The following IPO9 variants were observed in gnomAD, a reference collection of about 807,000 sequenced individuals.
IPO9 encodes the protein importin 9, also known as importin-9.
Under a neutral mutation model 128.6 loss-of-function variants are expected in IPO9, and 28 were observed. That is an observed-to-expected ratio of 0.22 (90% CI 0.16 to 0.30). IPO9 has a LOEUF of 0.30. IPO9 is among the 10% of genes least tolerant of loss of function. The probability of loss-of-function intolerance (pLI) is 1.00; values close to 1 mark genes in which losing one functional copy is unlikely to be tolerated. For synonymous variants in IPO9, 455 were observed against 475.8 expected (o/e 0.96, Z 0.57); for missense variants, 935 against 1,293.9 (o/e 0.72, Z 4.26).
intron 16 of IPO9, 62 bp downstream of exon 16, chr1:201,868,858 TG>T: frequency 6.6e-7 from 1 of 1,504,870 alleles, no homozygotes; most frequent in Non-Finnish European, 8.9e-7. Context: ...CACCCACAGA[TG>T]CATCTAGCTG....
intron 1 of IPO9, 120 bp from the exon 2 acceptor site, chr1:201,847,159 T>C (rs1558217919): frequency 1.1e-5 from 8 of 739,376 alleles, no homozygotes; most frequent in Non-Finnish European, 1.9e-5. Context: ...AGTTATCAGC[T>C]CTTTTTGAAA....
intron 1 of IPO9, among the ~76,000 whole-genome samples, chr1:201,833,934 A>G (rs904177741): frequency 1.3e-5 from 2 of 152,082 alleles, no homozygotes; most frequent in Non-Finnish European, 2.9e-5. Flanking sequence ...CTACAAGCAC[A>G]TGCCCATACT....
At chr1:201,859,578 T>C (rs1269850802) in intron 13 of IPO9, among the ~76,000 whole-genome samples, 3 of 152,204 alleles carry the variant, frequency 2.0e-5, no homozygotes, top group Admixed American at 6.5e-5. Flanking sequence ...GTTTGTTTCC[T>C]GTCATTTTTC....
intron 6 of IPO9, among the ~76,000 whole-genome samples, chr1:201,854,318 G>GA (rs1680280317): frequency 6.6e-6 from 1 of 152,208 alleles, no homozygotes; most frequent in South Asian, 2.1e-4. Flanking sequence ...AAAGCTAGCT[G>GA]AAAAATACCA....
At chr1:201,843,388 G>C (rs1680069550) in intron 1 of IPO9, among the ~76,000 whole-genome samples, 1 of 151,744 alleles carries the variant, frequency 6.6e-6, no homozygotes, top group African/African-American at 2.4e-5. Flanking sequence ...TAGGGGAATG[G>C]GGGAAAAAAA....
At chr1:201,838,356 A>G (rs1056651137) in intron 1 of IPO9, among the ~76,000 whole-genome samples, 1 of 152,142 alleles carries the variant, frequency 6.6e-6, no homozygotes, top group Non-Finnish European at 1.5e-5. Context: ...GCTTTTTTCC[A>G]TTGAACTGGA....
chr1:201,875,462 C>G (rs559985157), intron 23 of IPO9, among the ~76,000 whole-genome samples: 101 of 152,216 alleles, frequency 6.6e-4, no homozygotes, highest in African/African-American at 2.4e-3. Context: ...TAGTGGCACA[C>G]CCCCGTGGTC....
rs772200767 is a variant in IPO9 at position 201,848,450 on chromosome 1, G to A, written c.370G>A (p.Val124Met). Residue 124 changes from valine (V) to methionine (M), a missense_variant, in exon 4 of 24, where the codon GTG (valine) becomes ATG (methionine). By Grantham distance (21) the Val-to-Met change is conservative (BLOSUM62 1). Transcript: ENST00000361565. ...TGGGTTGAGAGAATCGATAAGCAAA[G>A]TGCGCTCCAGTGTGGCCTATGCAGT... ...PNGLRESISK[V>M]RSSVAYAVSA... The A allele has an allele frequency of 6.2e-7, 1 of 1,614,216 alleles. No individual in the cohort carries two copies. The highest frequency in any genetic ancestry group is 8.5e-7 in the Non-Finnish European group (1 of 1,180,032).
At position 201,875,242 on chromosome 1, in the gene IPO9, G is replaced by A; in HGVS notation, c.3015+14G>A. The A allele has an allele frequency of 1.2e-6, 2 of 1,606,890 alleles. No individual in the cohort carries two copies. Among genetic ancestry groups the A allele is most frequent in the Non-Finnish European group, 1.7e-6 (2 of 1,173,314 alleles). ...ATTGATCTGCAGGTGAGGGTGTCCA[G>A]AGATATCTTGCAAATGACAATGTCC... On this transcript the variant is annotated intron_variant, in intron 23 of 23. Transcript: ENST00000361565.
chr1:201,873,594 A>G (rs934265161), intron 20 of IPO9, among the ~76,000 whole-genome samples: 1 of 148,650 alleles, frequency 6.7e-6, no homozygotes, highest in African/African-American at 2.5e-5. Context: ...CCAAAAATAC[A>G]AAGTTAGCCA....
chr1:201,872,880 C>A lies in IPO9; in HGVS notation c.2629C>A (p.Arg877=). 1 of 1,613,924 alleles carries A rather than the reference C, an allele frequency of 6.2e-7. No individual in the cohort carries two copies. Among genetic ancestry groups the A allele is most frequent in the African/African-American group, 1.3e-5 (1 of 75,006 alleles). ...LQHGINADDK[R]LQDIRVKGEE... ...GCATGGCATCAATGCAGATGACAAA[C>A]GGCTACAGGATATCCGTGTGAAGGG... Residue 877 remains arginine (R), a synonymous_variant, in exon 20 of 24, where the codon CGG becomes AGG. Coordinates refer to ENST00000361565, the MANE Select transcript of IPO9 (RefSeq NM_018085.5).
At position 201,866,842 on chromosome 1, in the gene IPO9, C is replaced by A; in HGVS notation, c.1738C>A (p.Leu580Ile). 6.2e-7 allele frequency: 1 copy of A among 1,614,150 alleles called. No individual in the cohort carries two copies. Among genetic ancestry groups the A allele is most frequent in the Non-Finnish European group, 8.5e-7 (1 of 1,180,036 alleles). ...HLAAQFSSEVLNLVMETLCIV... is the reference protein window; with the variant it reads ...HLAAQFSSEVINLVMETLCIV... The stretch of plus-strand genomic sequence containing the variant: ...AGCAGCCCAGTTCAGCTCAGAGGTC[C>A]TCAACCTGGTGATGGAGACCCTGTG... Residue 580 changes from leucine (L) to isoleucine (I), a missense_variant, in exon 15 of 24, where the codon CTC becomes ATC. By Grantham distance (5) the Leu-to-Ile change is conservative. Around this residue, in one of 3 missense-constraint regions of IPO9, gnomAD observed 741 missense variants for 1,019.1 expected, o/e 0.73. Transcript: ENST00000361565.
chr1:201,857,021 A>G (rs558192160), intron 10 of IPO9, 75 bp from the exon 11 acceptor site: 1 of 951,758 alleles, frequency 1.1e-6, no homozygotes, highest in East Asian at 2.4e-5. Flanking sequence ...ATAGGTTGAA[A>G]TCTTCCTGTA....
In IPO9 at chr1:201,872,945, C is replaced by A. The variant is rs1298781698; in HGVS notation, c.2694C>A (p.Arg898=). The A allele has an allele frequency of 6.2e-7, 1 of 1,612,632 alleles. No individual in the cohort carries two copies. Among genetic ancestry groups the A allele is most frequent in the Admixed American group, 1.7e-5 (1 of 59,850 alleles). Residue 898 remains arginine (R), a synonymous_variant, in exon 20 of 24, where the codon CGC becomes CGA. Transcript: ENST00000361565. ...GCATGGATGAGGGCATCCGCACCCGCTCTAAGTCAGCCAAAAGTGGGTGCT... is the reference window on the plus strand; with the variant it reads ...GCATGGATGAGGGCATCCGCACCCGATCTAAGTCAGCCAAAAGTGGGTGCT... ...IYSMDEGIRT[R]SKSAKNPERW...
intron 13 of IPO9, among the ~76,000 whole-genome samples, chr1:201,859,804 A>G (rs1680408907): frequency 6.6e-6 from 1 of 152,088 alleles, no homozygotes; most frequent in Admixed American, 6.6e-5. Flanking sequence ...TACTAAAAAT[A>G]TAAAAATTAG....
chr1:201,873,111 A>T, intron 20 of IPO9, 150 bp downstream of exon 20: 1 of 963,302 alleles, frequency 1.0e-6, no homozygotes, highest in Non-Finnish European at 1.5e-6. Context: ...CTTAGGTAAA[A>T]GGGATCAGAA....
chr1:201,858,748 T>C, intron 12 of IPO9, 107 bp from the exon 13 acceptor site: 2 of 1,194,846 alleles, frequency 1.7e-6, no homozygotes, highest in South Asian at 3.5e-5. Context: ...AATGACTCTT[T>C]TGGAAGAGAT....
intron 10 of IPO9, among the ~76,000 whole-genome samples, chr1:201,856,214 A>G (rs1680326979): frequency 7.1e-6 from 1 of 140,110 alleles, no homozygotes. Flanking sequence ...CAAGCAATCC[A>G]CCCACCTTGG....
intron 1 of IPO9, among the ~76,000 whole-genome samples, chr1:201,843,868 G>T (rs954249395): frequency 4.6e-5 from 7 of 151,352 alleles, no homozygotes; most frequent in Admixed American, 4.6e-4. Flanking sequence ...ACTGTAGTCA[G>T]TTAGGAAAGA....
Sources: gnomAD v4.1 joint callset for allele counts (sites outside exome capture counted in the v4.1 genomes callset) on GRCh38, gnomAD v4.1.1 for gene constraint, gnomAD v4.1.1 regional missense constraint, MANE v1.5 for transcripts, NCBI Gene and HGNC (gene_info 2026-07-23, HGNC 2026-07-21) for gene names.